Variants in DAB1 observed in about 807,000 individuals in gnomAD.
DAB1 encodes the protein DAB adaptor protein 1, also known as disabled homolog 1.
In DAB1, 15 loss-of-function variants were observed where a neutral mutation model predicts 64.6. That is an observed-to-expected ratio of 0.23 (90% CI 0.16 to 0.36). DAB1 has a LOEUF of 0.36. Ranked by LOEUF, DAB1 falls within the 10% of genes least tolerant of loss-of-function variation. The pLI is 1.00. For synonymous variants in DAB1, 235 were observed against 251.9 expected, an observed-to-expected ratio of 0.93 and a Z score of 0.64; for missense variants, 596 against 706.7, an observed-to-expected ratio of 0.84 and a Z score of 1.78.
At chr1:57,821,149 T>C (rs1337374514), downstream of DAB1, among the ~76,000 whole-genome samples, 1 of 152,088 alleles carries the variant, frequency 6.6e-6, no homozygotes, top group East Asian at 1.9e-4. Context: ...ATCACCTTCA[T>C]TGTACACTCA....
chr1:57,494,944 G>C (rs944219441), intron 7 of DAB1, among the ~76,000 whole-genome samples: 1 of 152,072 alleles, frequency 6.6e-6, no homozygotes, highest in Non-Finnish European at 1.5e-5. Context: ...GTGTCAGCAC[G>C]GATGACACAA....
At chr1:58,007,182 C>A (rs1191989731) in intron 5 of DAB1, among the ~76,000 whole-genome samples, 1 of 151,918 alleles carries the variant, frequency 6.6e-6, no homozygotes, top group Non-Finnish European at 1.5e-5. Flanking sequence ...CAACACAGAT[C>A]CCACAAAGAG....
chr1:57,761,539 C>T (rs558780853), intron 6 of DAB1, among the ~76,000 whole-genome samples: 55 of 152,320 alleles, frequency 3.6e-4, no homozygotes, highest in African/African-American at 1.3e-3. Context: ...GTCTTCACTT[C>T]TACCCCAAGG....
At chr1:57,130,505 A>G (rs1657559152) in intron 4 of DAB1, among the ~76,000 whole-genome samples, 1 of 152,168 alleles carries the variant, frequency 6.6e-6, no homozygotes, top group South Asian at 2.1e-4. Context: ...AATGGAATCA[A>G]CTTAAGTGTG....
At chr1:58,119,878 G>A (rs1302588333) in intron 5 of DAB1, among the ~76,000 whole-genome samples, 1 of 152,120 alleles carries the variant, frequency 6.6e-6, no homozygotes, top group Non-Finnish European at 1.5e-5. Flanking sequence ...TCGTAGATGC[G>A]CTTGTGGGAC....
intron 7 of DAB1, among the ~76,000 whole-genome samples, chr1:57,503,099 A>G (rs1037192496): frequency 6.6e-6 from 1 of 152,190 alleles, no homozygotes; most frequent in African/African-American, 2.4e-5. Context: ...TTGACTCCAA[A>G]TTGTATTTGC....
At chr1:57,343,425 C>A (rs1677805395) in intron 1 of DAB1, among the ~76,000 whole-genome samples, 1 of 152,216 alleles carries the variant, frequency 6.6e-6, no homozygotes. Flanking sequence ...GGTGGAGCTG[C>A]CTGCCAGTCC....
intron 2 of DAB1, among the ~76,000 whole-genome samples, chr1:57,232,284 C>CCTTTT (rs1553158823): frequency 1.2e-5 from 1 of 81,734 alleles, no homozygotes; most frequent in Non-Finnish European, 2.2e-5. Flanking sequence ...GCAGTGGCCA[C>CCTTTT]TTTTTTTTTT....
chr1:57,246,417 C>T (rs187681577), intron 2 of DAB1, among the ~76,000 whole-genome samples: 164 of 152,330 alleles, frequency 1.1e-3, no homozygotes, highest in Non-Finnish European at 2.1e-3. Context: ...GGTGTTGAGC[C>T]TGCAGGTGCA....
intron 1 of DAB1, among the ~76,000 whole-genome samples, chr1:57,392,144 C>A (rs376179875): frequency 6.6e-6 from 1 of 152,080 alleles, no homozygotes; most frequent in East Asian, 1.9e-4. Context: ...GAGGCCAAGG[C>A]GGACAGATCA....
intron 4 of DAB1, among the ~76,000 whole-genome samples, chr1:58,334,603 C>CATTATATTATATTAT (rs55941113): frequency 3.5e-5 from 5 of 140,872 alleles, no homozygotes; most frequent in East Asian, 2.0e-4. Context: ...TATTATATTA[C>CATTATATTATATTAT]ATTATATTAT....
At chr1:57,889,436 A>G (rs1166099283) in intron 5 of DAB1, among the ~76,000 whole-genome samples, 1 of 152,276 alleles carries the variant, frequency 6.6e-6, no homozygotes, top group Non-Finnish European at 1.5e-5. Flanking sequence ...CTTTAAAATC[A>G]TTGAATATGC....
intron 1 of DAB1, among the ~76,000 whole-genome samples, chr1:57,384,562 A>C (rs946611778): frequency 3.3e-5 from 5 of 152,352 alleles, no homozygotes; most frequent in Middle Eastern, 3.4e-3. Context: ...ATAAATATAT[A>C]CAGTGAAATA....
intron 1 of DAB1, among the ~76,000 whole-genome samples, chr1:57,331,432 G>C (rs1225342086): frequency 6.6e-6 from 1 of 152,182 alleles, no homozygotes; most frequent in Non-Finnish European, 1.5e-5. Flanking sequence ...AGGCAGTATG[G>C]CACCATGGTT....
chr1:57,067,857 C>T (rs1276232679), intron 8 of DAB1, among the ~76,000 whole-genome samples: 2 of 152,132 alleles, frequency 1.3e-5, no homozygotes, highest in Non-Finnish European at 2.9e-5. Flanking sequence ...CCTCTTCTTT[C>T]CATTCTACAC....
At chr1:57,496,610 G>T (rs1447597336) in intron 7 of DAB1, among the ~76,000 whole-genome samples, 2 of 152,154 alleles carry the variant, frequency 1.3e-5, no homozygotes, top group African/African-American at 4.8e-5. Context: ...GAAAGGAAAA[G>T]AAGCTTGCAC....
At chr1:57,499,007 T>G (rs1029934526) in intron 7 of DAB1, among the ~76,000 whole-genome samples, 7 of 152,256 alleles carry the variant, frequency 4.6e-5, no homozygotes, top group African/African-American at 1.7e-4. Context: ...GATGGAGTCT[T>G]GCTCTGTTGC....
intron 14 of DAB1, among the ~76,000 whole-genome samples, chr1:57,009,746 A>G (rs778115492): frequency 2.6e-5 from 4 of 152,232 alleles, no homozygotes; most frequent in Non-Finnish European, 5.9e-5. Flanking sequence ...CTTAGAAATC[A>G]TGTCTGGGTA....
At chr1:57,790,476 T>G (rs12565523) in intron 6 of DAB1, among the ~76,000 whole-genome samples, 58,004 of 151,964 alleles carry the variant, frequency 0.38, 11,457 homozygotes, top group South Asian at 0.49. Context: ...TCTCAAGTAT[T>G]TCTTCATAGT....
Sources: allele counts gnomAD v4.1 joint callset (sites outside exome capture counted in the v4.1 genomes callset), GRCh38; gene constraint gnomAD v4.1.1; transcripts MANE v1.5; gene names NCBI Gene and HGNC (gene_info 2026-07-23, HGNC 2026-07-21).